SEPTIN9: variants seen among roughly 807,000 people sequenced by gnomAD.
The protein encoded by SEPTIN9 is septin-9.
A neutral mutation model predicts 56.6 loss-of-function variants in SEPTIN9; 13 were observed. The ratio of observed to expected loss-of-function variants is 0.23; its 90% confidence interval spans 0.15 to 0.37. The LOEUF (loss-of-function observed/expected upper bound fraction) is 0.37. Ranked by LOEUF, SEPTIN9 falls within the 10% of genes least tolerant of loss-of-function variation. The pLI is 1.00. For missense variants in SEPTIN9, 650 were observed against 823.1 expected, an observed-to-expected ratio of 0.79 and a Z score of 2.57; for synonymous variants, 332 against 334.1, an observed-to-expected ratio of 0.99 and a Z score of 0.07.
rs564217092 is a variant in SEPTIN9 at position 77,445,975 on chromosome 17, C to T, written c.722-36169C>T. ...TCAAGAGCAGCAGCCTTGGAAAATC[C>T]AACACAGAACCCCGAGTAGGGGCGG... On this transcript the variant is annotated intron_variant, in intron 3 of 11. Transcript: ENST00000427177. The surrounding 1 kb of genome is among the most constrained non-coding windows in gnomAD (Gnocchi z 4.7). 5.9e-6 allele frequency: 1 copy of T among 169,604 alleles called. No individual in the cohort carries two copies. Among genetic ancestry groups the T allele is most frequent in the African/African-American group, 2.4e-5 (1 of 41,584 alleles). 10.5% of individuals were successfully genotyped at this position (169,604 alleles called of 1,614,324 possible).
chr17:77,403,826 G>A (rs934493876), intron 3 of SEPTIN9, among the ~76,000 whole-genome samples: 8 of 152,270 alleles, frequency 5.3e-5, no homozygotes, highest in South Asian at 2.1e-4. Context: ...ACGTTTCAGC[G>A]GCATTCAGTA....
In SEPTIN9 at chr17:77,487,624, GACCATCACACACA is replaced by G. The variant is rs1185304018; in HGVS notation, c.1042+73_1042+85del. ...CTGGAGCACAGGGGTTGGGGGTCAAGACCATCACACACAGTCAGTGGCCAGGGGCGGGCTGGGG... is the reference window on the plus strand; with the variant it reads ...CTGGAGCACAGGGGTTGGGGGTCAAGGTCAGTGGCCAGGGGCGGGCTGGGG... On this transcript the variant is annotated intron_variant, in intron 5 of 11. Coordinates refer to ENST00000427177, the MANE Select transcript of SEPTIN9 (RefSeq NM_001113491.2). The surrounding 1 kb of genome is among the most constrained non-coding windows in gnomAD (Gnocchi z 4.3). 28 of 1,283,642 alleles carry G rather than the reference GACCATCACACACA, an allele frequency of 2.2e-5. No individual in the cohort carries two copies. In the Admixed American group the frequency reaches 4.2e-4, roughly 19 times the overall value. The allele number at this position is 1,283,642 out of a possible 1,614,324, so 79.5% of individuals were successfully genotyped here.
At position 77,468,501 on chromosome 17, in the gene SEPTIN9, A is replaced by G. The variant is rs2038846983; in HGVS notation, c.722-13643A>G. The stretch of plus-strand genomic sequence containing the variant: ...TGTTTTGTTAACAAAGACTTCAAGC[A>G]TTTACTGACCAGGCACAACACTATG... On this transcript the variant is annotated intron_variant, in intron 3 of 11. Transcript: ENST00000427177. 2.0e-5 allele frequency among the ~76,000 whole-genome samples: 3 copies of G among 152,206 alleles called. No homozygotes were observed. In the South Asian group the frequency reaches 6.2e-4, roughly 31 times the overall value.
intron 2 of SEPTIN9, among the ~76,000 whole-genome samples, chr17:77,382,746 C>G (rs2035189011): frequency 6.6e-6 from 1 of 152,204 alleles, no homozygotes; most frequent in African/African-American, 2.4e-5. Flanking sequence ...CGCCTGGGCC[C>G]CTTGGGGTCG....
At chr17:77,416,656 G>A (rs1002451752) in intron 3 of SEPTIN9, among the ~76,000 whole-genome samples, 4 of 152,196 alleles carry the variant, frequency 2.6e-5, no homozygotes, top group South Asian at 2.1e-4. Flanking sequence ...ACTCTGGTCC[G>A]AGGACAGTCT....
chr17:77,487,260 TG>T lies in SEPTIN9; in HGVS notation c.914-163del, dbSNP rs1335053371. On this transcript the variant is annotated intron_variant, in intron 4 of 11. Transcript: ENST00000427177. The surrounding 1 kb of genome is among the most constrained non-coding windows in gnomAD (Gnocchi z 4.3). ...AGTCACTGGACACCCGGCTCGAGGG[TG>T]AAGTCCTCGGGGGCTGCTTGGCAGG... is the stretch of plus-strand genomic sequence containing the variant. Among the ~76,000 whole-genome samples the T allele has an allele frequency of 6.6e-6, 1 of 151,648 alleles. No individual in the cohort carries two copies. Among genetic ancestry groups the T allele is most frequent in the Non-Finnish European group, 1.5e-5 (1 of 67,898 alleles).
At chr17:77,379,498 C>T (rs1204918627) in intron 2 of SEPTIN9, among the ~76,000 whole-genome samples, 1 of 152,184 alleles carries the variant, frequency 6.6e-6, no homozygotes, top group Non-Finnish European at 1.5e-5. Flanking sequence ...TGACCTCTGC[C>T]TACCCGTTGG....
At chr17:77,339,053 C>T (rs761467303) in intron 2 of SEPTIN9, among the ~76,000 whole-genome samples, 7 of 152,328 alleles carry the variant, frequency 4.6e-5, no homozygotes, top group South Asian at 2.1e-4. Flanking sequence ...CTCCAGGCTC[C>T]ACTTCTAATT....
chr17:77,366,990 A>G (rs2034590231), intron 2 of SEPTIN9, among the ~76,000 whole-genome samples: 1 of 152,208 alleles, frequency 6.6e-6, no homozygotes, highest in Admixed American at 6.5e-5. Flanking sequence ...GTTCTGCACA[A>G]AGCAGGCTGG....
chr17:77,424,184 G>A (rs908779285), intron 3 of SEPTIN9, among the ~76,000 whole-genome samples: 5 of 136,656 alleles, frequency 3.7e-5, no homozygotes, highest in Admixed American at 7.6e-5. Context: ...CACTATCGCC[G>A]TAGAAAACGG....
chr17:77,338,116 G>A (rs1329237092), intron 2 of SEPTIN9, among the ~76,000 whole-genome samples: 2 of 151,998 alleles, frequency 1.3e-5, no homozygotes, highest in African/African-American at 4.8e-5. Context: ...AGAATTGCTC[G>A]AACCTGGGAG....
chr17:77,482,846 C>T, intron 4 of SEPTIN9: 1 of 449,878 alleles, frequency 2.2e-6, no homozygotes, highest in Non-Finnish European at 4.0e-6. Context: ...CGTCGATCAG[C>T]ACGACCTGGG....
At chr17:77,489,881 C>T (rs890531070) in intron 7 of SEPTIN9, among the ~76,000 whole-genome samples, 11 of 152,226 alleles carry the variant, frequency 7.2e-5, no homozygotes, top group African/African-American at 2.4e-4. Context: ...GGCTCACCTG[C>T]GGTCCTGTGG....
At chr17:77,395,544 A>G (rs1395738332) in intron 2 of SEPTIN9, among the ~76,000 whole-genome samples, 1 of 147,728 alleles carries the variant, frequency 6.8e-6, no homozygotes, top group South Asian at 2.2e-4. Context: ...AAAAAAAAAA[A>G]GAACAATATC....
chr17:77,408,642 G>T (rs1028535107), intron 3 of SEPTIN9, among the ~76,000 whole-genome samples: 1 of 142,932 alleles, frequency 7.0e-6, no homozygotes, highest in African/African-American at 2.5e-5. Flanking sequence ...GTGGCTTTGG[G>T]GAAAGTGGGG....
At chr17:77,463,496 T>A (rs1358206926) in intron 3 of SEPTIN9, among the ~76,000 whole-genome samples, 1 of 152,178 alleles carries the variant, frequency 6.6e-6, no homozygotes, top group Non-Finnish European at 1.5e-5. Context: ...ACAAAAGACA[T>A]CATTCTGTTT....
chr17:77,362,468 C>T (rs2034447945), intron 2 of SEPTIN9, among the ~76,000 whole-genome samples: 1 of 152,252 alleles, frequency 6.6e-6, no homozygotes, highest in South Asian at 2.1e-4. Flanking sequence ...TTCCTTCCTC[C>T]TCTGACTGGG....
chr17:77,383,999 A>C lies in SEPTIN9; in HGVS notation c.77-18060A>C, dbSNP rs567741930. Among the ~76,000 whole-genome samples the C allele has an allele frequency of 1.3e-3, 197 of 152,352 alleles. 1 individual carries two copies. Among genetic ancestry groups the C allele is most frequent in the Non-Finnish European group, 1.5e-4 (10 of 68,026 alleles). On this transcript the variant is annotated intron_variant, in intron 2 of 11. Transcript: ENST00000427177. Reference sequence around the variant, plus strand: ...TGAGCCCTTCTTAGGCTTCTACTACATGCCAGGCAGGGTGCCAGGCCCTAG... The same window carrying C: ...TGAGCCCTTCTTAGGCTTCTACTACCTGCCAGGCAGGGTGCCAGGCCCTAG...
At chr17:77,410,422 A>ACTGGAAATGGCC (rs1353200589) in intron 3 of SEPTIN9, among the ~76,000 whole-genome samples, 1 of 152,194 alleles carries the variant, frequency 6.6e-6, no homozygotes, top group Non-Finnish European at 1.5e-5. Flanking sequence ...GAAACCTGGA[A>ACTGGAAATGGCC]CTGGAAATGG....
Sources: allele counts gnomAD v4.1 joint callset (sites outside exome capture counted in the v4.1 genomes callset), GRCh38; gene constraint gnomAD v4.1.1; non-coding constraint Gnocchi (gnomAD v3.1); transcripts MANE v1.5; gene names NCBI Gene and HGNC (gene_info 2026-07-23, HGNC 2026-07-21).